Variants in DOCK3 observed in about 807,000 individuals in gnomAD.
DOCK3 encodes the protein dedicator of cytokinesis protein 3.
DOCK3 carries 60 observed loss-of-function variants against 265.6 expected under a neutral mutation model. That is an observed-to-expected ratio of 0.23 (90% CI 0.18 to 0.28). DOCK3 has a LOEUF of 0.28. Ranked by LOEUF, DOCK3 falls within the 10% of genes least tolerant of loss-of-function variation. The pLI is 1.00. For synonymous variants in DOCK3, 881 were observed against 938.0 expected, an observed-to-expected ratio of 0.94 and a Z score of 1.11; for missense variants, 1,981 against 2,594.3, an observed-to-expected ratio of 0.76 and a Z score of 5.14.
At chr3:50,856,608 A>G (rs1441151957) in intron 3 of DOCK3, among the ~76,000 whole-genome samples, 1 of 152,152 alleles carries the variant, frequency 6.6e-6, no homozygotes, top group African/African-American at 2.4e-5. Flanking sequence ...TCAGATGGAT[A>G]GATTACAAAA....
At chr3:50,985,700 T>A (rs2077872445) in intron 5 of DOCK3, among the ~76,000 whole-genome samples, 1 of 152,150 alleles carries the variant, frequency 6.6e-6, no homozygotes, top group Admixed American at 6.5e-5. Context: ...CCATAACATA[T>A]GATTAAGACA....
intron 4 of DOCK3, among the ~76,000 whole-genome samples, chr3:50,895,976 A>T (rs1372301837): frequency 6.6e-6 from 1 of 152,186 alleles, no homozygotes; most frequent in Non-Finnish European, 1.5e-5. Context: ...TGCTGCAATA[A>T]ACATACGCAT....
chr3:51,350,796 T>C (rs1038317306), intron 40 of DOCK3, among the ~76,000 whole-genome samples: 1 of 152,218 alleles, frequency 6.6e-6, no homozygotes, highest in Non-Finnish European at 1.5e-5. Context: ...TTAGGGTTTG[T>C]CATCTAAGAT....
chr3:50,911,593 C>G (rs1344256989), intron 4 of DOCK3, among the ~76,000 whole-genome samples: 1 of 151,872 alleles, frequency 6.6e-6, no homozygotes, highest in Non-Finnish European at 1.5e-5. Flanking sequence ...TAGTGTGATG[C>G]CTCCAGCTTT....
At chr3:51,042,038 T>C (rs1687452231) in intron 5 of DOCK3, among the ~76,000 whole-genome samples, 1 of 152,166 alleles carries the variant, frequency 6.6e-6, no homozygotes. Flanking sequence ...CTGAAAACTA[T>C]TCCAAAAAAT....
At chr3:50,767,096 T>C (rs1470265098) in intron 1 of DOCK3, among the ~76,000 whole-genome samples, 3 of 152,216 alleles carry the variant, frequency 2.0e-5, no homozygotes, top group African/African-American at 7.2e-5. Context: ...GTAGTTTCTT[T>C]TGCTGTGCAG....
At chr3:51,055,275 G>A (rs1315582850) in intron 5 of DOCK3, among the ~76,000 whole-genome samples, 1 of 152,158 alleles carries the variant, frequency 6.6e-6, no homozygotes, top group Non-Finnish European at 1.5e-5. Context: ...TGGGGGTAAA[G>A]GGGGATAATA....
intron 1 of DOCK3, among the ~76,000 whole-genome samples, chr3:50,742,016 T>C (rs2039072313): frequency 6.6e-6 from 1 of 152,218 alleles, no homozygotes; most frequent in African/African-American, 2.4e-5. Flanking sequence ...TGCATTTCTC[T>C]GATGGCCAGT....
Position 51,037,482 on chromosome 3 carries a change from A to T in DOCK3, c.316-26966A>T, listed in dbSNP as rs191312032. Among the ~76,000 whole-genome samples, 231 of 152,250 alleles carry T rather than the reference A, an allele frequency of 1.5e-3. 2 individuals are homozygous for T. The highest frequency in any genetic ancestry group is 7.9e-3 in the East Asian group (41 of 5,184). ...TTTTTATTCATTCCTTTCCAGAAAT[A>T]TTAGTCATGTATTACATGCCCGACA... On this transcript the variant is annotated intron_variant, in intron 5 of 52. Transcript: ENST00000266037.
In DOCK3 at chr3:51,017,951, G is replaced by T. The variant is rs573678885; in HGVS notation, c.316-46497G>T. On this transcript the variant is annotated intron_variant, in intron 5 of 52. Transcript: ENST00000266037. The stretch of plus-strand genomic sequence containing the variant: ...TCTGTTGCCCAGGCTGGAGTGCAGT[G>T]GCACGATCTCGGCTCACTGTAACCT... Among the ~76,000 whole-genome samples the T allele has an allele frequency of 1.3e-4, 19 of 151,758 alleles. 1 individual carries two copies. The East Asian group carries it at 2.3e-3, about 19-fold the overall frequency.
chr3:51,007,797 A>G (rs986775794), intron 5 of DOCK3, among the ~76,000 whole-genome samples: 1 of 152,128 alleles, frequency 6.6e-6, no homozygotes, highest in Non-Finnish European at 1.5e-5. Context: ...TAATTTTTGT[A>G]TAAGGTGTAA....
At chr3:50,847,165 A>G (rs1449180400) in intron 3 of DOCK3, among the ~76,000 whole-genome samples, 3 of 151,822 alleles carry the variant, frequency 2.0e-5, no homozygotes, top group Non-Finnish European at 2.9e-5. Context: ...AGGTTTTGGT[A>G]TGTTGTGTCT....
intron 5 of DOCK3, among the ~76,000 whole-genome samples, chr3:50,958,123 G>A (rs534706201): frequency 9.3e-4 from 142 of 152,154 alleles, no homozygotes; most frequent in African/African-American, 3.3e-3. Context: ...CTATTGTCTG[G>A]ATATTCACCT....
chr3:51,123,991 A>G (rs1358188731), intron 9 of DOCK3, among the ~76,000 whole-genome samples: 1 of 152,150 alleles, frequency 6.6e-6, no homozygotes, highest in Non-Finnish European at 1.5e-5. Flanking sequence ...ATGAGCGTGT[A>G]GACCACAAAC....
chr3:50,859,210 GTTTTTTTTTTTT>G (rs138539454), intron 3 of DOCK3, among the ~76,000 whole-genome samples: 1 of 69,222 alleles, frequency 1.4e-5, no homozygotes, highest in East Asian at 4.6e-4. Flanking sequence ...AACTGGTATG[GTTTTTTTTTTTT>G]TTTTTTTTTT....
chr3:50,793,130 T>C (rs2042576735), intron 2 of DOCK3, among the ~76,000 whole-genome samples: 1 of 152,180 alleles, frequency 6.6e-6, no homozygotes, highest in Non-Finnish European at 1.5e-5. Flanking sequence ...CCTGGTTCAG[T>C]CTTGGGAGGG....
At chr3:51,379,913 C>G (rs1324487102) in intron 51 of DOCK3, among the ~76,000 whole-genome samples, 1 of 152,278 alleles carries the variant, frequency 6.6e-6, no homozygotes, top group East Asian at 1.9e-4. Flanking sequence ...CACTCAACTT[C>G]TCTGACTTCC....
rs1246174329 is a variant in DOCK3 at position 51,275,112 on chromosome 3, A to G, written c.2582A>G (p.His861Arg). The G allele has an allele frequency of 6.2e-7, 1 of 1,613,970 alleles. No homozygotes were observed. The change falls in exon 25 of 53, where the codon CAT (histidine) becomes CGT (arginine). Residue 861 changes from histidine (H) to arginine (R), a missense_variant. Physicochemically the swap from His to Arg is conservative, Grantham distance 29 (BLOSUM62 0). Coordinates refer to ENST00000266037, the MANE Select transcript of DOCK3 (RefSeq NM_004947.5). ...SRRILLPVVL[H>R]HIHLHLRQQK... is the part of the protein sequence containing the mutation. ...CGCATCCTGCTTCCTGTGGTTCTCC[A>G]TCACATTCACCTTCACCTGAGGCAG...
intron 12 of DOCK3, among the ~76,000 whole-genome samples, chr3:51,197,338 G>T (rs749572505): frequency 7.2e-5 from 11 of 152,166 alleles, no homozygotes; most frequent in South Asian, 2.1e-4. Flanking sequence ...GGCAGTGGTG[G>T]ATTGCACAAG....
Sources: gnomAD v4.1 joint callset for allele counts (sites outside exome capture counted in the v4.1 genomes callset) on GRCh38, gnomAD v4.1.1 for gene constraint, MANE v1.5 for transcripts, NCBI Gene and HGNC (gene_info 2026-07-23, HGNC 2026-07-21) for gene names.